SEMA5A: variants seen among roughly 807,000 people sequenced by gnomAD.
The protein encoded by SEMA5A is semaphorin 5A, also known as semaphorin-5A.
SEMA5A carries 55 observed loss-of-function variants against 135.5 expected under a neutral mutation model. The observed-to-expected ratio is 0.41, with a 90% confidence interval of 0.33 to 0.51. The LOEUF is 0.51. Among genes scored for constraint, SEMA5A ranks in the 20% least tolerant of loss-of-function variants. SEMA5A has a pLI of 0.37. For synonymous variants in SEMA5A, 580 were observed against 546.5 expected (o/e 1.06, Z -0.85); for missense variants, 1,290 against 1,419.9 (o/e 0.91, Z 1.47).
intron 5 of SEMA5A, among the ~76,000 whole-genome samples, chr5:9,316,924 T>G (rs1451574118): frequency 6.6e-6 from 1 of 152,138 alleles, no homozygotes; most frequent in Non-Finnish European, 1.5e-5. Flanking sequence ...AACTGGAATT[T>G]CTTGTTCTGT....
At chr5:9,225,371 G>T (rs1747238586) in intron 7 of SEMA5A, among the ~76,000 whole-genome samples, 1 of 128,496 alleles carries the variant, frequency 7.8e-6, no homozygotes, top group Non-Finnish European at 1.6e-5. Context: ...GGCTAACACG[G>T]TGAAACCCCA....
chr5:9,228,061 A>G (rs1347362274), intron 6 of SEMA5A, among the ~76,000 whole-genome samples: 1 of 152,206 alleles, frequency 6.6e-6, no homozygotes, highest in East Asian at 1.9e-4. Context: ...TTCAGCAAGC[A>G]TTCACTGAGT....
At chr5:9,374,593 C>T (rs1755280066) in intron 3 of SEMA5A, among the ~76,000 whole-genome samples, 1 of 151,794 alleles carries the variant, frequency 6.6e-6, no homozygotes, top group South Asian at 2.1e-4. Context: ...ATTTCAAGGC[C>T]TGACTGGGTG....
chr5:9,497,656 A>C (rs1450522239), intron 1 of SEMA5A, among the ~76,000 whole-genome samples: 1 of 152,194 alleles, frequency 6.6e-6, no homozygotes, highest in African/African-American at 2.4e-5. Flanking sequence ...CCTATGTGGA[A>C]GTATTATCAT....
chr5:9,049,211 G>T (rs1175239618), intron 21 of SEMA5A, among the ~76,000 whole-genome samples: 3 of 151,928 alleles, frequency 2.0e-5, no homozygotes, highest in Non-Finnish European at 2.9e-5. Flanking sequence ...GCCCAGGCTG[G>T]AATGCAGTGG....
At chr5:9,099,862 T>C (rs1739523327) in intron 16 of SEMA5A, among the ~76,000 whole-genome samples, 1 of 152,186 alleles carries the variant, frequency 6.6e-6, no homozygotes, top group Non-Finnish European at 1.5e-5. Context: ...CTGACCTAGC[T>C]ACTCTCAAGG....
chr5:9,200,672 T>C (rs1745656212), intron 9 of SEMA5A, among the ~76,000 whole-genome samples: 1 of 152,184 alleles, frequency 6.6e-6, no homozygotes, highest in Non-Finnish European at 1.5e-5. Flanking sequence ...TAACCTCATG[T>C]CAGAAAGAAG....
chr5:9,242,739 C>T (rs538807547), intron 5 of SEMA5A, among the ~76,000 whole-genome samples: 1 of 152,216 alleles, frequency 6.6e-6, no homozygotes, highest in African/African-American at 2.4e-5. Context: ...TAACCACATA[C>T]CTTCTCTACC....
At chr5:9,069,560 C>G (rs1039923472) in intron 16 of SEMA5A, among the ~76,000 whole-genome samples, 6 of 152,130 alleles carry the variant, frequency 3.9e-5, no homozygotes. Flanking sequence ...AATACTCTAA[C>G]TAGCTTTCTT....
chr5:9,269,867 C>T (rs567222576), intron 5 of SEMA5A, among the ~76,000 whole-genome samples: 2 of 152,214 alleles, frequency 1.3e-5, no homozygotes, highest in Admixed American at 1.3e-4. Flanking sequence ...TGACAATGAA[C>T]TCCATCCAGT....
chr5:9,236,458 G>A (rs1747914994), intron 6 of SEMA5A, among the ~76,000 whole-genome samples: 1 of 152,120 alleles, frequency 6.6e-6, no homozygotes, highest in Non-Finnish European at 1.5e-5. Context: ...CCCACATTGA[G>A]ACTCAAACAC....
intron 6 of SEMA5A, among the ~76,000 whole-genome samples, chr5:9,228,369 C>T (rs7734932): frequency 0.17 from 26,360 of 152,142 alleles, 2,414 homozygotes; most frequent in Middle Eastern, 0.29. Context: ...ACACTCCACT[C>T]AAGAGGAGCA....
intron 8 of SEMA5A, among the ~76,000 whole-genome samples, chr5:9,215,171 G>A (rs539773447): frequency 2.6e-5 from 4 of 152,296 alleles, no homozygotes; most frequent in Non-Finnish European, 2.9e-5. Flanking sequence ...AGAAGACAAC[G>A]CCATCTGCTA....
At chr5:9,464,749 T>A (rs1259070797) in intron 1 of SEMA5A, among the ~76,000 whole-genome samples, 1 of 152,040 alleles carries the variant, frequency 6.6e-6, no homozygotes, top group African/African-American at 2.4e-5. Flanking sequence ...CAGAATAAAA[T>A]GGAAGAAAGT....
At chr5:9,354,809 T>G (rs1316093328) in intron 3 of SEMA5A, among the ~76,000 whole-genome samples, 1 of 152,066 alleles carries the variant, frequency 6.6e-6, no homozygotes. Context: ...CAGGTAACAT[T>G]TAAGCTGAGA....
chr5:9,081,245 G>GGC (rs1738367454), intron 16 of SEMA5A, among the ~76,000 whole-genome samples: 1 of 152,110 alleles, frequency 6.6e-6, no homozygotes, highest in Non-Finnish European at 1.5e-5. Context: ...CTGTAGCTCT[G>GGC]GCCAACACCT....
At chr5:9,141,018 G>A (rs927596781) in intron 12 of SEMA5A, among the ~76,000 whole-genome samples, 4 of 152,086 alleles carry the variant, frequency 2.6e-5, no homozygotes, top group African/African-American at 7.2e-5. Context: ...GGTTCTGCAC[G>A]TTCTTAACAT....
At chr5:9,119,195 C>G in intron 14 of SEMA5A, 54 bp from the exon 15 acceptor site, 1 of 1,589,118 alleles carries the variant, frequency 6.3e-7, no homozygotes, top group Non-Finnish European at 8.6e-7. Context: ...AGAGTCCAAG[C>G]CCTGTCTGCA....
intron 1 of SEMA5A, among the ~76,000 whole-genome samples, chr5:9,491,540 G>A (rs1561295231): frequency 6.6e-6 from 1 of 151,766 alleles, no homozygotes; most frequent in Non-Finnish European, 1.5e-5. Flanking sequence ...TGCAAATGCA[G>A]GCAAAACAAT....
Sources: gnomAD v4.1 joint callset for allele counts (sites outside exome capture counted in the v4.1 genomes callset) on GRCh38, gnomAD v4.1.1 for gene constraint, MANE v1.5 for transcripts, NCBI Gene and HGNC (gene_info 2026-07-23, HGNC 2026-07-21) for gene names.